Variants in DMD observed in about 807,000 individuals in gnomAD.
The protein encoded by DMD is dystrophin.
A neutral mutation model predicts 330.1 loss-of-function variants in DMD; 63 were observed. The observed-to-expected ratio is 0.19, with a 90% CI of 0.16 to 0.24. The LOEUF (loss-of-function observed/expected upper bound fraction) is 0.24, where lower values mean the gene tolerates loss of function less well. Among genes scored for constraint, DMD ranks in the 10% least tolerant of loss-of-function variants. DMD has a pLI of 1.00. For missense variants in DMD, 3,344 were observed against 2,684.1 expected (o/e 1.25, Z -5.43); for synonymous variants, 1,223 against 959.8 (o/e 1.27, Z -5.07).
intron 50 of DMD, among the ~76,000 whole-genome samples, chrX:31,818,342 G>A (rs866886312): frequency 8.9e-6 from 1 of 112,015 alleles, no homozygotes; most frequent in African/African-American, 3.2e-5. Context: ...AAATAAAGTG[G>A]ATGAATTATA....
intron 77 of DMD, among the ~76,000 whole-genome samples, chrX:31,128,301 C>T (rs60065027): frequency 0.018 from 1,966 of 111,592 alleles, 65 homozygotes; most frequent in East Asian, 0.14. Flanking sequence ...TGCCCTGTAC[C>T]GTATATACAC....
chrX:33,041,789 A>G (rs753626896), intron 1 of DMD: 2 of 1,027,381 alleles, frequency 1.9e-6, no homozygotes, highest in Non-Finnish European at 2.7e-6. Context: ...ATTATTTTTG[A>G]CCACTGCGGT....
chrX:32,835,007 A>G (rs2079489301), intron 4 of DMD, among the ~76,000 whole-genome samples: 1 of 111,511 alleles, frequency 9.0e-6, no homozygotes, highest in Admixed American at 9.6e-5. Flanking sequence ...TTAAATCTCT[A>G]TCAAATTTGT....
chrX:32,057,457 C>T (rs991373664), intron 44 of DMD, among the ~76,000 whole-genome samples: 6 of 110,597 alleles, frequency 5.4e-5, no homozygotes, highest in African/African-American at 1.6e-4. Context: ...TCAACAGTTG[C>T]GTTTCTATAC....
chrX:32,643,815 A>G (rs1569372544), intron 11 of DMD, among the ~76,000 whole-genome samples: 1 of 111,793 alleles, frequency 8.9e-6, no homozygotes, highest in Non-Finnish European at 1.9e-5. Flanking sequence ...TCTCCTGTGC[A>G]TGCTTCTGTG....
At chrX:32,915,649 T>C (rs775173547) in intron 2 of DMD, among the ~76,000 whole-genome samples, 21 of 112,147 alleles carry the variant, frequency 1.9e-4, no homozygotes, top group Non-Finnish European at 3.6e-4. Flanking sequence ...ATTGAGCATC[T>C]ACACTGTGTC....
At chrX:32,401,367 A>G (rs1418162117) in intron 30 of DMD, among the ~76,000 whole-genome samples, 1 of 112,076 alleles carries the variant, frequency 8.9e-6, no homozygotes, top group Non-Finnish European at 1.9e-5. Flanking sequence ...TATACACAAT[A>G]CAGTACTATT....
intron 4 of DMD, among the ~76,000 whole-genome samples, chrX:32,843,158 T>C (rs1000848559): frequency 1.8e-5 from 2 of 112,026 alleles, no homozygotes; most frequent in Non-Finnish European, 3.8e-5. Context: ...ATCCCAAAGT[T>C]TGTTTTTTTA....
intron 1 of DMD, among the ~76,000 whole-genome samples, chrX:33,224,730 T>C (rs1430104594): frequency 1.8e-5 from 2 of 111,303 alleles, no homozygotes; most frequent in African/African-American, 6.5e-5. Flanking sequence ...TGAGTTATAA[T>C]GATGTGTTGA....
chrX:32,342,336 G>A (rs1042403194), intron 40 of DMD, 54 bp from the exon 41 acceptor site: 61 of 1,149,686 alleles, frequency 5.3e-5, no homozygotes, highest in Non-Finnish European at 6.9e-5. Flanking sequence ...CACATCAACC[G>A]ACTTGCAAGC....
chrX:33,171,950 C>T (rs1394377675), intron 1 of DMD, among the ~76,000 whole-genome samples: 1 of 110,998 alleles, frequency 9.0e-6, no homozygotes, highest in Non-Finnish European at 1.9e-5. Flanking sequence ...GATGTTCTAA[C>T]CAGGTCATCC....
intron 7 of DMD, among the ~76,000 whole-genome samples, chrX:32,754,576 G>C (rs2071259797): frequency 1.8e-5 from 2 of 108,835 alleles, no homozygotes; most frequent in African/African-American, 6.7e-5. Flanking sequence ...CACAGTAAAA[G>C]TATGATCTCT....
At chrX:32,832,397 C>T (rs66760061) in intron 4 of DMD, among the ~76,000 whole-genome samples, 8,868 of 111,131 alleles carry the variant, frequency 0.08, 370 homozygotes, top group East Asian at 0.24. Context: ...AAACCTCAAG[C>T]ATGTACTTCC....
chrX:31,317,733 C>G (rs10217912), intron 62 of DMD, among the ~76,000 whole-genome samples: 11,222 of 110,168 alleles, frequency 0.1, 1,395 homozygotes, highest in African/African-American at 0.34. Context: ...GGATGGTCTC[C>G]ATCTCCTGAC....
At chrX:32,245,805 T>C (rs1309660977) in intron 43 of DMD, among the ~76,000 whole-genome samples, 1 of 100,653 alleles carries the variant, frequency 9.9e-6, no homozygotes, top group African/African-American at 3.7e-5. Flanking sequence ...TTTCTGTACA[T>C]TGATTTTGTA....
rs147984432 is a variant in DMD at position 32,750,024 on chromosome X, C to T, written c.650-50731G>A. Among the ~76,000 whole-genome samples, 1,099 of 112,101 alleles carry T rather than the reference C, an allele frequency of 9.8e-3. 7 individuals are homozygous for T. Among genetic ancestry groups the T allele is most frequent in the African/African-American group, 0.033 (1,017 of 30,867 alleles). Reference sequence around the variant, plus strand: ...GAGCCATTTCCATTGGATGAAAAAACAGACGCCTTGCCTTATTTGTCACTT... The same window carrying T: ...GAGCCATTTCCATTGGATGAAAAAATAGACGCCTTGCCTTATTTGTCACTT... On this transcript the variant is annotated intron_variant, in intron 7 of 78. Transcript: ENST00000357033.
intron 44 of DMD, among the ~76,000 whole-genome samples, chrX:32,216,593 A>C (rs1433723092): frequency 9.0e-6 from 1 of 111,601 alleles, no homozygotes; most frequent in Non-Finnish European, 1.9e-5. Flanking sequence ...AGGTTCCAAC[A>C]TAAAGCCGAA....
At chrX:31,242,445 T>C (rs1435934675) in intron 63 of DMD, among the ~76,000 whole-genome samples, 1 of 109,907 alleles carries the variant, frequency 9.1e-6, no homozygotes, top group East Asian at 2.8e-4. Context: ...GAACAATGTT[T>C]TTTTCCACTC....
intron 62 of DMD, among the ~76,000 whole-genome samples, chrX:31,284,567 T>TTCTTCTTCTTCTTCTTCTTCTTCTTC (rs2147918989): frequency 1.8e-5 from 1 of 56,682 alleles, no homozygotes; most frequent in African/African-American, 7.1e-5. Flanking sequence ...TTTCTTCTTC[T>TTCTTCTTCTTCTTCTTCTTCTTCTTC]TCTTCTTCTT....
Sources: allele counts gnomAD v4.1 joint callset (sites outside exome capture counted in the v4.1 genomes callset), GRCh38; gene constraint gnomAD v4.1.1; transcripts MANE v1.5; gene names NCBI Gene and HGNC (gene_info 2026-07-23, HGNC 2026-07-21).